PTBP3: variants seen among roughly 807,000 people sequenced by gnomAD.
The protein encoded by PTBP3 is polypyrimidine tract-binding protein 3.
PTBP3 carries 20 observed loss-of-function variants against 58.7 expected under a neutral mutation model. The observed-to-expected ratio is 0.34, with a 90% confidence interval of 0.24 to 0.50. The LOEUF (loss-of-function observed/expected upper bound fraction) is 0.50. Among genes scored for constraint, PTBP3 ranks in the 20% least tolerant of loss-of-function variants. The probability of loss-of-function intolerance (pLI) is 0.98; values close to 1 mark genes in which losing one functional copy is unlikely to be tolerated. For synonymous variants in PTBP3, 185 were observed against 219.8 expected (o/e 0.84, Z 1.40); for missense variants, 509 against 637.2 (o/e 0.80, Z 2.17).
the PTBP3 span, among the ~76,000 whole-genome samples, chr9:112,378,160 G>A: frequency 6.6e-6 from 1 of 152,124 alleles, no homozygotes. Context: ...GGTTAATCAA[G>A]GTAATGGGGT....
At chr9:112,290,112 A>C (rs1471226361) in intron 2 of PTBP3, among the ~76,000 whole-genome samples, 1 of 152,232 alleles carries the variant, frequency 6.6e-6, no homozygotes, top group East Asian at 1.9e-4. Context: ...AAAAGCCATC[A>C]AGTATAAATT....
intron 7 of PTBP3, among the ~76,000 whole-genome samples, chr9:112,244,006 A>T (rs894156347): frequency 1.3e-5 from 2 of 152,024 alleles, no homozygotes; most frequent in East Asian, 3.9e-4. Context: ...TAAAAGTAAG[A>T]AGTTCTCAGG....
intron 7 of PTBP3, chr9:112,242,417 C>A (rs1835697045): frequency 2.1e-5 from 2 of 94,868 alleles, no homozygotes; most frequent in South Asian, 7.3e-4. Flanking sequence ...AAATAATTTA[C>A]AATATGTAAA....
chr9:112,315,914 C>T (rs1481678994), intron 1 of PTBP3, among the ~76,000 whole-genome samples: 1 of 152,104 alleles, frequency 6.6e-6, no homozygotes, highest in Non-Finnish European at 1.5e-5. Context: ...ATTTAATTTT[C>T]TCTGAATAAA....
At chr9:112,250,835 C>A (rs1836081728) in intron 7 of PTBP3, 94 bp downstream of exon 7, 1 of 1,198,874 alleles carries the variant, frequency 8.3e-7, no homozygotes, top group Admixed American at 3.0e-5. Flanking sequence ...TGAGAGAACT[C>A]GAGAAGAAAA....
chr9:112,246,325 A>G (rs1025611555), intron 7 of PTBP3, among the ~76,000 whole-genome samples: 38 of 152,146 alleles, frequency 2.5e-4, no homozygotes, highest in African/African-American at 9.2e-4. Context: ...TAATAAAGGT[A>G]GAAGAAATGA....
Position 112,268,161 on chromosome 9 carries a change from A to G in PTBP3, c.239T>C (p.Val80Ala), listed in dbSNP as rs1388106939. ...AGGAGTGTAATAATTCACCATAGTA[A>G]CGGCAGCTTCCTCAGAAGCCATTTC... ...FLEMASEEAA[V>A]TMVNYYTPIT... Residue 80 changes from valine (V) to alanine (A), a missense_variant, in exon 4 of 14, where the codon GTT (valine) becomes GCT (alanine). Around this residue, in one of 4 missense-constraint regions of PTBP3, gnomAD observed 212 missense variants for 215.3 expected, o/e 0.98. Transcript: ENST00000374257. The G allele has an allele frequency of 3.7e-6, 6 of 1,611,828 alleles. No individual in the cohort carries two copies. The highest frequency in any genetic ancestry group is 1.7e-5 in the Admixed American group (1 of 59,292).
At chr9:112,293,304 A>T (rs891249584) in intron 2 of PTBP3, among the ~76,000 whole-genome samples, 1 of 152,230 alleles carries the variant, frequency 6.6e-6, no homozygotes, top group African/African-American at 2.4e-5. Context: ...CTGGATGCTG[A>T]TTATATGGTA....
chr9:112,254,972 T>C (rs1463827519), intron 5 of PTBP3, among the ~76,000 whole-genome samples: 3 of 152,132 alleles, frequency 2.0e-5, no homozygotes, highest in Non-Finnish European at 4.4e-5. Context: ...AACCAAAGTG[T>C]TCATCAATGA....
At chr9:112,349,485 C>CT in the PTBP3 span, among the ~76,000 whole-genome samples, 4 of 152,296 alleles carry the variant, frequency 2.6e-5, no homozygotes, top group Admixed American at 6.5e-5. Flanking sequence ...AGCATGGGGA[C>CT]TTGCGATCGG....
chr9:112,332,946 G>C, intron 1 of PTBP3: 1 of 1,494,802 alleles, frequency 6.7e-7, no homozygotes, highest in Non-Finnish European at 9.0e-7. Context: ...GGGACCCCGC[G>C]TGGGACCATG....
the PTBP3 span, among the ~76,000 whole-genome samples, chr9:112,373,666 G>A: frequency 4.6e-5 from 7 of 152,068 alleles, no homozygotes; most frequent in Non-Finnish European, 4.4e-5. Flanking sequence ...TCAGAATTCC[G>A]CCTAACATAA....
Position 112,221,496 on chromosome 9 carries a change from T to G in PTBP3, c.*2355A>C, listed in dbSNP as rs1482984371. 3.0e-6 allele frequency: 3 copies of G among 985,372 alleles called. No homozygotes were observed. Among genetic ancestry groups the G allele is most frequent in the Non-Finnish European group, 3.6e-6 (3 of 829,524 alleles). 61.0% of individuals were successfully genotyped at this position (985,372 alleles called of 1,614,324 possible). ...AATTCCTAACTTAAAGTAAATGAAATAATCCAATTTAACATGGCACTGAAA... is the reference window on the plus strand; with the variant it reads ...AATTCCTAACTTAAAGTAAATGAAAGAATCCAATTTAACATGGCACTGAAA... On this transcript the variant is annotated 3_prime_UTR_variant, in exon 14 of 14. Transcript: ENST00000374257.
chr9:112,321,338 G>C (rs1042938652), intron 1 of PTBP3, among the ~76,000 whole-genome samples: 1 of 151,962 alleles, frequency 6.6e-6, no homozygotes, highest in Non-Finnish European at 1.5e-5. Context: ...AGACCAGCCT[G>C]ACCAACATGG....
chr9:112,222,606 C>T lies in PTBP3; in HGVS notation c.*1245G>A. ...AACCATTCACCCTTCCCCACACCGT[C>T]TCTGCACCAAGCACCAAAAATTTGA... is the stretch of plus-strand genomic sequence containing the variant. On this transcript the variant is annotated 3_prime_UTR_variant, in exon 14 of 14. Transcript: ENST00000374257. The T allele has an allele frequency of 3.0e-6, 3 of 985,772 alleles. No individual in the cohort carries two copies. Among genetic ancestry groups the T allele is most frequent in the Non-Finnish European group, 3.6e-6 (3 of 829,906 alleles). 61.1% of individuals were successfully genotyped at this position (985,772 alleles called of 1,614,324 possible).
At chr9:112,361,290 G>A in the PTBP3 span, among the ~76,000 whole-genome samples, 1 of 151,952 alleles carries the variant, frequency 6.6e-6, no homozygotes, top group South Asian at 2.1e-4. Context: ...GTAGATTCGG[G>A]GTTTCACCAT....
chr9:112,374,239 A>C, the PTBP3 span, among the ~76,000 whole-genome samples: 899 of 152,262 alleles, frequency 5.9e-3, 29 homozygotes, highest in East Asian at 0.011. Flanking sequence ...GGAGCACAAA[A>C]TGTCCAGGTG....
the PTBP3 span, among the ~76,000 whole-genome samples, chr9:112,350,417 G>A: frequency 6.6e-6 from 1 of 152,174 alleles, no homozygotes; most frequent in Non-Finnish European, 1.5e-5. Flanking sequence ...TAGATTTATG[G>A]AAACATTGTG....
At chr9:112,305,880 C>A (rs1010662652) in intron 1 of PTBP3, among the ~76,000 whole-genome samples, 1 of 152,088 alleles carries the variant, frequency 6.6e-6, no homozygotes, top group Admixed American at 6.5e-5. Context: ...GCGGAGCTTG[C>A]AGTGAGCCGA....
Sources: gnomAD v4.1 joint callset for allele counts (sites outside exome capture counted in the v4.1 genomes callset) on GRCh38, gnomAD v4.1.1 for gene constraint, gnomAD v4.1.1 regional missense constraint, MANE v1.5 for transcripts, NCBI Gene and HGNC (gene_info 2026-07-23, HGNC 2026-07-21) for gene names.